The following QSER1 variants were observed in gnomAD, a reference collection of about 807,000 sequenced individuals.
The protein encoded by QSER1 is glutamine and serine rich 1, also known as glutamine and serine-rich protein 1.
A neutral mutation model predicts 158.5 loss-of-function variants in QSER1; 49 were observed. That is an observed-to-expected ratio of 0.31 (90% confidence interval 0.25 to 0.39). The LOEUF (loss-of-function observed/expected upper bound fraction) is 0.39. Among genes scored for constraint, QSER1 ranks in the 10% least tolerant of loss-of-function variants. The pLI, the probability that QSER1 is intolerant of heterozygous loss-of-function variation, is 1.00. For synonymous variants in QSER1, 650 were observed against 715.5 expected, an observed-to-expected ratio of 0.91 and a Z score of 1.46; for missense variants, 1,754 against 2,010.3, an observed-to-expected ratio of 0.87 and a Z score of 2.44.
chr11:32,922,442 T>C (rs1851910363), intron 1 of QSER1, among the ~76,000 whole-genome samples: 13 of 151,654 alleles, frequency 8.6e-5, no homozygotes, highest in Admixed American at 8.6e-4. Flanking sequence ...ACATGGCAGA[T>C]GGTGAGATAC....
In QSER1 at chr11:32,979,809, A is replaced by G. The variant is rs946904324; in HGVS notation, c.*3335A>G. 5 of 152,346 alleles carry G rather than the reference A, an allele frequency of 3.3e-5. No homozygotes were observed. Among genetic ancestry groups the G allele is most frequent in the South Asian group, 2.1e-4 (1 of 4,832 alleles). The allele number at this position is 152,346 out of a possible 1,614,324, so 9.4% of individuals were successfully genotyped here. Reference sequence around the variant, plus strand: ...TTGGAGATATACCTATAAAACCAATATAACAGCAGGGTTATTGAAGCAGCT... The same window carrying G: ...TTGGAGATATACCTATAAAACCAATGTAACAGCAGGGTTATTGAAGCAGCT... On this transcript the variant is annotated 3_prime_UTR_variant, in exon 13 of 13. Transcript: ENST00000650167.
chr11:32,942,050 A>G (rs553754719), intron 4 of QSER1, among the ~76,000 whole-genome samples: 5,514 of 147,472 alleles, frequency 0.037, 344 homozygotes, highest in African/African-American at 0.13. Context: ...GTGTCTGTTC[A>G]TGTCCTTCGC....
chr11:32,969,249 T>C, intron 10 of QSER1, 106 bp downstream of exon 10: 1 of 733,408 alleles, frequency 1.4e-6, no homozygotes, highest in Admixed American at 3.1e-5. Flanking sequence ...ATTTTTCACC[T>C]AATGAAAATT....
chr11:32,942,566 G>C (rs1215197451), intron 4 of QSER1, among the ~76,000 whole-genome samples: 9 of 151,914 alleles, frequency 5.9e-5, no homozygotes, highest in Non-Finnish European at 1.0e-4. Flanking sequence ...TATTTCTGAG[G>C]GCTCTGTTCT....
chr11:32,927,234 A>G lies in QSER1; in HGVS notation c.287A>G (p.Gln96Arg), dbSNP rs538196805. 1 of 152,720 alleles carries G rather than the reference A, an allele frequency of 6.5e-6. No homozygotes were observed. Among genetic ancestry groups the G allele is most frequent in the Non-Finnish European group, 1.5e-5 (1 of 68,038 alleles). 9.5% of individuals were successfully genotyped at this position (152,720 alleles called of 1,614,324 possible). Reference protein sequence around the residue: ...LQRQSFAASHQLPGYAPTPQP... With the variant: ...LQRQSFAASHRLPGYAPTPQP... Reference sequence around the variant, plus strand: ...AGACAGAGTTTTGCAGCCTCTCATCAGCTTCCTGGATATGCTCCCACACCT... The same window carrying G: ...AGACAGAGTTTTGCAGCCTCTCATCGGCTTCCTGGATATGCTCCCACACCT... The change falls in exon 2 of 13, where the codon CAG (glutamine) becomes CGG (arginine). Residue 96 changes from glutamine (Q) to arginine (R), a missense_variant. By Grantham distance (43) the Gln-to-Arg change is conservative. Around this residue, in one of 2 missense-constraint regions of QSER1, gnomAD observed 1,707 missense variants for 1,919.6 expected, o/e 0.89. Coordinates refer to ENST00000650167, the MANE Select transcript of QSER1 (RefSeq NM_001076786.3).
chr11:32,947,912 G>A (rs1852362130), intron 4 of QSER1, among the ~76,000 whole-genome samples: 1 of 151,884 alleles, frequency 6.6e-6, no homozygotes, highest in East Asian at 1.9e-4. Flanking sequence ...GTTGTTATTA[G>A]CATTTTTTTA....
intron 1 of QSER1, among the ~76,000 whole-genome samples, chr11:32,919,609 A>T (rs1851876003): frequency 1.3e-5 from 2 of 152,162 alleles, no homozygotes; most frequent in African/African-American, 4.8e-5. Context: ...GATTCTTGTC[A>T]GGTTTCTACA....
chr11:32,935,359 T>C lies in QSER1; in HGVS notation c.4101T>C (p.Tyr1367=). 1.9e-6 allele frequency: 3 copies of C among 1,610,732 alleles called. No homozygotes were observed. The highest frequency in any genetic ancestry group is 2.2e-5 in the South Asian group (2 of 90,540). The change falls in exon 4 of 13, where the codon TAT becomes TAC. Residue 1367 remains tyrosine, a synonymous_variant. Transcript: ENST00000650167. Reference sequence around the variant, plus strand: ...CTTCTGATGAAGATGATCCTGGATATAGTCAAGATGCTTATAAAAGCGTCT... The same window carrying C: ...CTTCTGATGAAGATGATCCTGGATACAGTCAAGATGCTTATAAAAGCGTCT... ...SFSSDEDDPG[Y]SQDAYKSVST... is the part of the protein sequence containing the mutation.
chr11:32,931,981 T>G lies in QSER1; in HGVS notation c.723T>G (p.Ala241=), dbSNP rs1042502088. The G allele has an allele frequency of 6.2e-7, 1 of 1,614,090 alleles. No individual in the cohort carries two copies. The highest frequency in any genetic ancestry group is 1.3e-5 in the African/African-American group (1 of 74,938). The change falls in exon 4 of 13, where the codon GCT becomes GCG. Residue 241 remains alanine (A), a synonymous_variant. Coordinates refer to ENST00000650167, the MANE Select transcript of QSER1 (RefSeq NM_001076786.3). ...IKTSQGTVPT[A]LAFERLGSSV... ...CTTCCCAGGGAACTGTTCCAACTGC[T>G]TTGGCATTTGAGCGCCTGGGCAGTT... is the stretch of plus-strand genomic sequence containing the variant.
chr11:32,924,012 T>C (rs1851934092), intron 1 of QSER1, among the ~76,000 whole-genome samples: 1 of 152,154 alleles, frequency 6.6e-6, no homozygotes, highest in Non-Finnish European at 1.5e-5. Context: ...ATGCAAATTA[T>C]ACCTAATTTT....
At position 32,927,971 on chromosome 11, in the gene QSER1, G is replaced by A; in HGVS notation, c.332G>A (p.Gly111Glu). Residue 111 changes from glycine to glutamate, a missense_variant, in exon 3 of 13, where the codon GGA becomes GAA. Transcript: ENST00000650167. ...TTATCTTCAAATTTAGGTCTTTCTG[G>A]AATATTTGATACTAGTGTGAACAGT... ...APTPQPTGLS[G>E]IFDTSVNSAS... The A allele has an allele frequency of 1.1e-6, 1 of 883,544 alleles. No individual in the cohort carries two copies. The highest frequency in any genetic ancestry group is 2.5e-5 in the Admixed American group (1 of 39,558). The allele number at this position is 883,544 out of a possible 1,614,324, so 54.7% of individuals were successfully genotyped here.
At chr11:32,914,182 ATAAAG>A (rs2133514065) in intron 1 of QSER1, among the ~76,000 whole-genome samples, 1 of 152,350 alleles carries the variant, frequency 6.6e-6, no homozygotes, top group East Asian at 1.9e-4. Context: ...TGTGTGCTAA[ATAAAG>A]TAAAAATATT....
intron 1 of QSER1, among the ~76,000 whole-genome samples, chr11:32,915,030 C>A (rs956652521): frequency 6.6e-6 from 1 of 152,114 alleles, no homozygotes; most frequent in African/African-American, 2.4e-5. Flanking sequence ...AGCCATCCTC[C>A]CACCTTAGCC....
chr11:32,935,998 G>A (rs1852147142), intron 4 of QSER1, among the ~76,000 whole-genome samples: 1 of 152,136 alleles, frequency 6.6e-6, no homozygotes. Context: ...AAATCTTTGG[G>A]TATGTGTTTC....
chr11:32,965,155 A>G (rs1852715806), intron 8 of QSER1, among the ~76,000 whole-genome samples: 1 of 151,820 alleles, frequency 6.6e-6, no homozygotes, highest in Admixed American at 6.6e-5. Context: ...TCTGTTTCCC[A>G]TGCTTGAGTG....
intron 12 of QSER1, 158 bp downstream of exon 12, chr11:32,975,501 A>G (rs1852959808): frequency 1.3e-6 from 2 of 1,484,872 alleles, no homozygotes; most frequent in Non-Finnish European, 1.8e-6. Flanking sequence ...TATTGTTCTG[A>G]GTCTCTCTGC....
At chr11:32,894,162 A>G (rs1197182939) in intron 1 of QSER1, among the ~76,000 whole-genome samples, 1 of 152,138 alleles carries the variant, frequency 6.6e-6, no homozygotes, top group East Asian at 1.9e-4. Flanking sequence ...GTCCGGGTGC[A>G]TTATGTAGCG....
intron 9 of QSER1, 149 bp from the exon 10 acceptor site, chr11:32,968,897 G>A (rs1852798667): frequency 1.9e-6 from 1 of 528,606 alleles, no homozygotes; most frequent in East Asian, 3.4e-5. Flanking sequence ...TGTTCAGAAA[G>A]CTTCATGTCC....
rs763045408 is a variant in QSER1, at chr11:32,958,014, T to A, written c.4897T>A (p.Trp1633Arg). The change falls in exon 8 of 13, where the codon TGG becomes AGG. Residue 1633 changes from tryptophan (W) to arginine (R), a missense_variant. By Grantham distance (101) the Trp-to-Arg change is moderately radical (BLOSUM62 -3). Coordinates refer to ENST00000650167, the MANE Select transcript of QSER1 (RefSeq NM_001076786.3). The stretch of plus-strand genomic sequence containing the variant: ...GCCACCACCAAAGAAACGGAAAAAA[T>A]GGAAAGAAGAATTTTCATCATCCCA... ...AEPPPKKRKKWKEEFSSSQSD... is the reference protein window; with the variant it reads ...AEPPPKKRKKRKEEFSSSQSD... 18 of 1,613,758 alleles carry A rather than the reference T, an allele frequency of 1.1e-5. No individual in the cohort carries two copies. The highest frequency in any genetic ancestry group is 1.5e-5 in the Non-Finnish European group (18 of 1,179,932).
Sources: allele counts gnomAD v4.1 joint callset (sites outside exome capture counted in the v4.1 genomes callset), GRCh38; gene constraint gnomAD v4.1.1; regional missense constraint gnomAD v4.1.1; transcripts MANE v1.5; gene names NCBI Gene and HGNC (gene_info 2026-07-23, HGNC 2026-07-21).